TSGA10IP: variants seen among roughly 807,000 people sequenced by gnomAD.
The protein encoded by TSGA10IP is testis specific 10 interacting protein.
TSGA10IP carries 64 observed loss-of-function variants against 63.2 expected under a neutral mutation model. The ratio of observed to expected loss-of-function variants is 1.01; its 90% CI spans 0.83 to 1.25. The LOEUF is 1.25. TSGA10IP is among the 50% of genes most tolerant of loss of function. TSGA10IP has a pLI of 0.00. For synonymous variants in TSGA10IP, 316 were observed against 298.3 expected, an observed-to-expected ratio of 1.06 and a Z score of -0.61; for missense variants, 681 against 710.1, an observed-to-expected ratio of 0.96 and a Z score of 0.47.
intron 4 of TSGA10IP, among the ~76,000 whole-genome samples, chr11:65,952,432 G>A (rs1017349516): frequency 1.3e-5 from 2 of 151,866 alleles, no homozygotes; most frequent in Admixed American, 6.6e-5. Context: ...GTGTGTGTGT[G>A]TGTGGTGTGT....
intron 4 of TSGA10IP, among the ~76,000 whole-genome samples, chr11:65,949,189 G>A (rs1854899916): frequency 6.6e-6 from 1 of 152,124 alleles, no homozygotes; most frequent in African/African-American, 2.4e-5. Flanking sequence ...GGACAACAGA[G>A]CGAGCCTCTG....
intron 4 of TSGA10IP, among the ~76,000 whole-genome samples, chr11:65,951,399 C>T (rs908967561): frequency 2.7e-4 from 41 of 151,860 alleles, no homozygotes; most frequent in African/African-American, 7.7e-4. Flanking sequence ...TTCTAACAGG[C>T]GTGAGGTGAT....
intron 5 of TSGA10IP, among the ~76,000 whole-genome samples, chr11:65,956,956 G>T (rs1352650885): frequency 6.6e-6 from 1 of 152,188 alleles, no homozygotes; most frequent in Non-Finnish European, 1.5e-5. Context: ...GCATAAGTAG[G>T]TATCTCCCAT....
intron 3 of TSGA10IP, 61 bp downstream of exon 3, chr11:65,947,889 G>A (rs1044858954): frequency 8.0e-6 from 12 of 1,508,832 alleles, no homozygotes; most frequent in Non-Finnish European, 1.1e-5. Context: ...ACAGGGAGCA[G>A]TCAGGGAGGC....
intron 4 of TSGA10IP, among the ~76,000 whole-genome samples, chr11:65,949,918 T>C (rs1163496358): frequency 2.1e-5 from 3 of 141,884 alleles, no homozygotes; most frequent in African/African-American, 7.9e-5. Context: ...TGTGGTGTGA[T>C]CTCAGTTCAC....
chr11:65,949,036 A>T (rs368802711), intron 4 of TSGA10IP, among the ~76,000 whole-genome samples: 1 of 151,824 alleles, frequency 6.6e-6, no homozygotes, highest in African/African-American at 2.4e-5. Context: ...CCCTGTCTCT[A>T]CAAAGGAAAA....
chr11:65,945,629 G>A, exon 1 of TSGA10IP: 1 of 1,596,142 alleles, frequency 6.3e-7, no homozygotes, highest in Non-Finnish European at 8.6e-7. Context: ...TTGCCATAGA[G>A]ATGGCCTGTT....
chr11:65,959,033 C>A (rs537344794), intron 6 of TSGA10IP, 51 bp downstream of exon 6: 2 of 1,598,734 alleles, frequency 1.3e-6, no homozygotes, highest in African/African-American at 1.3e-5. Flanking sequence ...GAAGAGCTGG[C>A]TGAGTGGGTA....
chr11:65,956,443 C>G (rs1487094440), intron 5 of TSGA10IP, among the ~76,000 whole-genome samples: 8 of 147,084 alleles, frequency 5.4e-5, no homozygotes, highest in African/African-American at 2.0e-4. Flanking sequence ...GGCCGAGGCT[C>G]AGTCTTAATC....
intron 4 of TSGA10IP, among the ~76,000 whole-genome samples, chr11:65,953,317 C>T (rs1854970014): frequency 6.6e-6 from 1 of 152,182 alleles, no homozygotes; most frequent in Admixed American, 6.6e-5. Context: ...AGGCATGAAC[C>T]ACCGTGCCTG....
chr11:65,950,646 T>C (rs945685670), intron 4 of TSGA10IP, among the ~76,000 whole-genome samples: 4 of 151,906 alleles, frequency 2.6e-5, no homozygotes, highest in Admixed American at 2.6e-4. Flanking sequence ...CACTGCAAGC[T>C]CCGCCTCCCG....
exon 3 of TSGA10IP, chr11:65,947,174 A>T (rs1259985816): frequency 6.2e-7 from 1 of 1,609,986 alleles, no homozygotes; most frequent in Non-Finnish European, 8.5e-7. Flanking sequence ...GAGCATCGCC[A>T]CAGATGTCCG....
chr11:65,947,262 C>T, exon 3 of TSGA10IP: 1 of 1,611,644 alleles, frequency 6.2e-7, no homozygotes, highest in Non-Finnish European at 8.5e-7. Context: ...CAGCGTCAGT[C>T]CAGGCGCAAG....
exon 5 of TSGA10IP, chr11:65,953,608 G>A (rs764066072): frequency 2.5e-6 from 4 of 1,587,080 alleles, no homozygotes; most frequent in African/African-American, 1.4e-5. Context: ...CAGGAGGAGC[G>A]GCAGCAGGCC....
chr11:65,945,514 G>A, exon 1 of TSGA10IP: 3 of 743,302 alleles, frequency 4.0e-6, no homozygotes, highest in Middle Eastern at 3.2e-4. Context: ...TGACTCCTGG[G>A]CATCCTGCTG....
In TSGA10IP at chr11:65,959,907, C is replaced by T. The variant is rs758257359; in HGVS notation, c.1638C>T (p.Tyr546=). ...CCGGCAGCCAGCCTGACAGGCACTA[C>T]AACCCCAGCCTGGACCCGGAGTGCA... The change falls in exon 8 of 8, where the codon TAC becomes TAT. Residue 546 remains tyrosine (Y), a synonymous_variant. Transcript: ENST00000532620. 9.3e-6 allele frequency: 15 copies of T among 1,613,000 alleles called. 1 individual carries two copies. In the South Asian group the frequency reaches 1.7e-4, roughly 18 times the overall value.
At chr11:65,947,874 A>T (rs1447955874) in intron 3 of TSGA10IP, 46 bp downstream of exon 3, 1 of 1,513,934 alleles carries the variant, frequency 6.6e-7, no homozygotes, top group South Asian at 1.3e-5. Flanking sequence ...GCTACACCGC[A>T]GGGAACAGGG....
In TSGA10IP at chr11:65,948,233, C is replaced by G. The variant is rs901952065; in HGVS notation, c.1151+85C>G. On this transcript the variant is annotated intron_variant, in intron 4 of 7. Coordinates refer to ENST00000532620, the Ensembl canonical transcript of TSGA10IP. ...TCCAAGAGATGCTTAGGCATTTGAA[C>G]TCTCATTCATTTCTTTATTTATCCA... 4.8e-6 allele frequency: 7 copies of G among 1,444,194 alleles called. No individual in the cohort carries two copies. The African/African-American group carries it at 1.0e-4, about 21-fold the overall frequency. The allele number at this position is 1,444,194 out of a possible 1,614,324, so 89.5% of individuals were successfully genotyped here.
chr11:65,953,567 G>C (rs1854974774), exon 5 of TSGA10IP: 1 of 1,579,524 alleles, frequency 6.3e-7, no homozygotes, highest in Admixed American at 1.8e-5. Context: ...CTCACCCAAG[G>C]AGCCTGCTGC....
Sources: gnomAD v4.1 joint callset for allele counts (sites outside exome capture counted in the v4.1 genomes callset) on GRCh38, gnomAD v4.1.1 for gene constraint, MANE v1.5 for transcripts, NCBI Gene and HGNC (gene_info 2026-07-23, HGNC 2026-07-21) for gene names.